SEMA4G: variants seen among roughly 807,000 people sequenced by gnomAD.
SEMA4G encodes semaphorin-4G.
In SEMA4G, 59 loss-of-function variants were observed where a neutral mutation model predicts 81.2. That is an observed-to-expected ratio of 0.73 (90% CI 0.59 to 0.90). The LOEUF is 0.90. Ranked by LOEUF, SEMA4G falls within the 40% of genes least tolerant of loss-of-function variation. The probability of loss-of-function intolerance (pLI) is 0.00; values close to 1 mark genes in which losing one functional copy is unlikely to be tolerated. For missense variants in SEMA4G, 952 were observed against 1,102.3 expected (o/e 0.86, Z 1.93); for synonymous variants, 404 against 433.9 (o/e 0.93, Z 0.86).
At chr10:100,980,684 T>C in exon 11 of SEMA4G, 1 of 1,613,434 alleles carries the variant, frequency 6.2e-7, no homozygotes, top group South Asian at 1.1e-5. Flanking sequence ...TAGTCATCTC[T>C]CTATTGCAGG....
In SEMA4G at chr10:100,977,631, G is replaced by C. The variant is rs1345707073; in HGVS notation, c.337-1G>C. ...ACAGCCCTCTCCACCTCATCCCACA[G>C]ACGGAGTGCTTTAACCATGTGCGGT... On this transcript the variant is annotated splice_acceptor_variant, in intron 3 of 13. Coordinates refer to ENST00000370250, the Ensembl canonical transcript of SEMA4G. LOFTEE classifies it high-confidence loss of function. The C allele has an allele frequency of 1.9e-6, 3 of 1,613,812 alleles. No homozygotes were observed. Among genetic ancestry groups the C allele is most frequent in the Non-Finnish European group, 2.5e-6 (3 of 1,179,734 alleles).
intron 12 of SEMA4G, 49 bp from the exon 14 acceptor site, chr10:100,981,119 A>G: frequency 6.2e-7 from 1 of 1,611,432 alleles, no homozygotes; most frequent in Non-Finnish European, 8.5e-7. Context: ...TTCACTGGGA[A>G]ACTGAAACCC....
chr10:100,972,647 T>C lies in SEMA4G; in HGVS notation c.-266T>C, dbSNP rs1850665781. ...CTCTCACCATGGAGTTTGCATTTGATGCAGAAAGGCATGTGATCCCTCCCT... is the reference window on the plus strand; with the variant it reads ...CTCTCACCATGGAGTTTGCATTTGACGCAGAAAGGCATGTGATCCCTCCCT... On this transcript the variant is annotated 5_prime_UTR_variant, in exon 1 of 14. The change abolishes an upstream ATG in the 5' untranslated region. Transcript: ENST00000370250. The C allele has an allele frequency of 4.7e-6, 2 of 428,826 alleles. No homozygotes were observed. Among genetic ancestry groups the C allele is most frequent in the East Asian group, 8.6e-5 (2 of 23,142 alleles). 26.6% of individuals were successfully genotyped at this position (428,826 alleles called of 1,614,324 possible). A position where few individuals can be genotyped will look rare whatever the true frequency, so the allele number is the denominator to read the frequency against.
chr10:100,984,803 G>C, exon 14 of SEMA4G: 1 of 1,534,920 alleles, frequency 6.5e-7, no homozygotes, highest in Non-Finnish European at 8.7e-7. Context: ...AGCCTGGGGA[G>C]GTAAGACTGC....
At chr10:100,971,116 ATG>A (rs10563529), upstream of SEMA4G, among the ~76,000 whole-genome samples, 125,336 of 151,358 alleles carry the variant, frequency 0.83, 52,039 homozygotes, top group African/African-American at 0.86. Flanking sequence ...CCTTGTGAAC[ATG>A]TGTGTGTGTG....
exon 6 of SEMA4G, chr10:100,978,599 A>G (rs1246356373): frequency 6.2e-7 from 1 of 1,613,482 alleles, no homozygotes; most frequent in Non-Finnish European, 8.5e-7. Flanking sequence ...CGCCACCCAC[A>G]CTCCCTGAGA....
upstream of SEMA4G, chr10:100,969,988 G>C (rs1396340294): frequency 2.3e-6 from 1 of 429,070 alleles, no homozygotes; most frequent in Non-Finnish European, 4.9e-6. Flanking sequence ...GGGGTCCCGG[G>C]GGAGGGGCTC....
rs545268210 is a variant in SEMA4G at position 100,973,376 on chromosome 10, C to T, written c.273+99C>T. 34 of 1,496,630 alleles carry T rather than the reference C, an allele frequency of 2.3e-5. No homozygotes were observed. In the African/African-American group the frequency reaches 4.4e-4, roughly 19 times the overall value. The allele number at this position is 1,496,630 out of a possible 1,614,324, so 92.7% of individuals were successfully genotyped here. ...AAACCCTGCCAGCCTTCCATAGCCC[C>T]CTGGTCAGACAGCACTGCCCTTCCC... On this transcript the variant is annotated intron_variant, in intron 2 of 13. Transcript: ENST00000370250. This position sits in a 1 kb window ranked among gnomAD's most constrained non-coding sequence, Gnocchi z 5.5.
chr10:100,977,603 C>T, intron 3 of SEMA4G, 29 bp from the exon 5 acceptor site: 3 of 1,586,948 alleles, frequency 1.9e-6, no homozygotes, highest in Non-Finnish European at 2.6e-6. Context: ...AGGCAGGGGG[C>T]TCACAGCCCT....
chr10:100,980,275 A>G (rs1851000938), exon 10 of SEMA4G: 3 of 1,614,104 alleles, frequency 1.9e-6, no homozygotes, highest in African/African-American at 1.3e-5. Flanking sequence ...CATACGCTAC[A>G]CACACCTTAC....
chr10:100,970,266 G>A (rs1432843692), upstream of SEMA4G, among the ~76,000 whole-genome samples: 1 of 152,006 alleles, frequency 6.6e-6, no homozygotes, highest in Non-Finnish European at 1.5e-5. Context: ...CCCGTACTTC[G>A]CCACTGAAGG....
intron 10 of SEMA4G, 64 bp from the exon 12 acceptor site, chr10:100,980,514 T>C (rs67692077): frequency 0.23 from 341,653 of 1,466,196 alleles, 45,167 homozygotes; most frequent in East Asian, 0.55. Flanking sequence ...GTATTAGGCC[T>C]CTTGCAGGGT....
exon 14 of SEMA4G, chr10:100,983,720 G>C: frequency 6.2e-7 from 1 of 1,613,560 alleles, no homozygotes. Context: ...CCTGTCTGCG[G>C]GAAGGCAGAC....
Position 100,973,625 on chromosome 10 carries a change from T to A in SEMA4G, c.336+16T>A, listed in dbSNP as rs771599388. 2.3e-5 allele frequency: 37 copies of A among 1,612,662 alleles called. No homozygotes were observed. Among genetic ancestry groups the A allele is most frequent in the Non-Finnish European group, 3.0e-5 (35 of 1,178,798 alleles). On this transcript the variant is annotated intron_variant, in intron 3 of 13. Coordinates refer to ENST00000370250, the Ensembl canonical transcript of SEMA4G. This position sits in a 1 kb window ranked among gnomAD's most constrained non-coding sequence, Gnocchi z 5.5. ...AAACAACCAGGTATGTGGTCTGCCC[T>A]GTCCCCAGCTCCTTTCCTCCCCTTC... is the stretch of plus-strand genomic sequence containing the variant.
At chr10:100,984,387 G>A (rs757063742) in exon 14 of SEMA4G, 11 of 1,451,624 alleles carry the variant, frequency 7.6e-6, no homozygotes, top group African/African-American at 1.4e-5. Flanking sequence ...CAGGTGCCCT[G>A]CAGACCCAGA....
chr10:100,981,123 G>A (rs771687710), intron 12 of SEMA4G, 45 bp from the exon 14 acceptor site: 4 of 1,612,842 alleles, frequency 2.5e-6, no homozygotes, highest in South Asian at 1.1e-5. Context: ...CTGGGAAACT[G>A]AAACCCAGTT....
exon 10 of SEMA4G, chr10:100,980,164 C>G (rs1354888744): frequency 8.7e-6 from 14 of 1,614,138 alleles, no homozygotes; most frequent in Non-Finnish European, 1.2e-5. Context: ...CAATTCATCC[C>G]AAGACTTGCC....
intron 8 of SEMA4G, among the ~76,000 whole-genome samples, chr10:100,979,637 T>C (rs1850962235): frequency 6.6e-6 from 1 of 152,072 alleles, no homozygotes; most frequent in African/African-American, 2.4e-5. Context: ...CGCCTCGGCC[T>C]CTCAAAGTGC....
intron 3 of SEMA4G, among the ~76,000 whole-genome samples, chr10:100,974,795 C>T (rs561362501): frequency 3.3e-5 from 5 of 152,216 alleles, no homozygotes; most frequent in South Asian, 4.1e-4. Context: ...GGTAATGGCT[C>T]CATCTGGAGA....
Sources: allele counts gnomAD v4.1 joint callset (sites outside exome capture counted in the v4.1 genomes callset), GRCh38; gene constraint gnomAD v4.1.1; non-coding constraint Gnocchi (gnomAD v3.1); transcripts MANE v1.5; gene names NCBI Gene and HGNC (gene_info 2026-07-23, HGNC 2026-07-21).